The following TXNDC16 variants were observed in gnomAD, a reference collection of about 807,000 sequenced individuals.
The protein encoded by TXNDC16 is thioredoxin domain containing 16.
Under a neutral mutation model 85.6 loss-of-function variants are expected in TXNDC16, and 74 were observed. The observed-to-expected ratio is 0.86, with a 90% CI of 0.72 to 1.05. The LOEUF is 1.05. Ranked by LOEUF, TXNDC16 falls within the 50% of genes least tolerant of loss-of-function variation. The pLI, the probability that TXNDC16 is intolerant of heterozygous loss-of-function variation, is 0.00. For missense variants in TXNDC16, 959 were observed against 947.0 expected (o/e 1.01, Z -0.17); for synonymous variants, 335 against 326.5 (o/e 1.03, Z -0.28).
At chr14:52,442,710 G>A (rs547811365) in intron 18 of TXNDC16, among the ~76,000 whole-genome samples, 94 of 151,992 alleles carry the variant, frequency 6.2e-4, no homozygotes, top group Middle Eastern at 3.4e-3. Context: ...TAATCTTGTA[G>A]TTGAGTTAGA....
intron 5 of TXNDC16, 149 bp from the exon 6 acceptor site, chr14:52,536,942 G>T: frequency 1.6e-6 from 1 of 607,778 alleles, no homozygotes; most frequent in Non-Finnish European, 2.9e-6. Flanking sequence ...ACCTACCAGC[G>T]TCCTGGCACA....
intron 15 of TXNDC16, 30 bp downstream of exon 15, chr14:52,470,480 TCA>T: frequency 6.3e-7 from 1 of 1,592,510 alleles, no homozygotes; most frequent in Non-Finnish European, 8.5e-7. Flanking sequence ...ACCTAAACAT[TCA>T]GAGATCTTAT....
At chr14:52,455,946 T>C (rs1303675297) in intron 17 of TXNDC16, among the ~76,000 whole-genome samples, 1 of 152,160 alleles carries the variant, frequency 6.6e-6, no homozygotes, top group African/African-American at 2.4e-5. Context: ...GAGAGAGTGA[T>C]AAATGGCAGA....
chr14:52,539,287 T>C (rs1410641539), intron 4 of TXNDC16, among the ~76,000 whole-genome samples: 1 of 152,132 alleles, frequency 6.6e-6, no homozygotes, highest in African/African-American at 2.4e-5. Flanking sequence ...AGAAATGCAG[T>C]AATGCATAAA....
intron 6 of TXNDC16, among the ~76,000 whole-genome samples, chr14:52,531,941 T>C (rs767668971): frequency 2.0e-5 from 3 of 152,170 alleles, no homozygotes; most frequent in Non-Finnish European, 4.4e-5. Flanking sequence ...CAAATTTCTG[T>C]AAATTTTTCA....
chr14:52,469,066 G>T (rs1238743836), intron 16 of TXNDC16, among the ~76,000 whole-genome samples: 1 of 152,024 alleles, frequency 6.6e-6, no homozygotes. Flanking sequence ...GTTAAATAAG[G>T]CCAGGTGTGG....
chr14:52,503,179 A>G (rs934801210), intron 9 of TXNDC16, among the ~76,000 whole-genome samples: 2 of 152,198 alleles, frequency 1.3e-5, no homozygotes, highest in Non-Finnish European at 2.9e-5. Flanking sequence ...AAAGGCAGCA[A>G]AAACCTCTGC....
chr14:52,544,046 T>C (rs1193981780), intron 2 of TXNDC16, among the ~76,000 whole-genome samples: 1 of 152,102 alleles, frequency 6.6e-6, no homozygotes, highest in African/African-American at 2.4e-5. Flanking sequence ...GCCTAATATG[T>C]TTACTTTTAC....
chr14:52,492,739 T>C (rs890446088), intron 9 of TXNDC16, among the ~76,000 whole-genome samples: 1 of 152,122 alleles, frequency 6.6e-6, no homozygotes, highest in Non-Finnish European at 1.5e-5. Context: ...GATCAGACAC[T>C]TACCAGTCAG....
chr14:52,504,261 A>C (rs1412598058), intron 9 of TXNDC16, among the ~76,000 whole-genome samples: 1 of 152,304 alleles, frequency 6.6e-6, no homozygotes, highest in South Asian at 2.1e-4. Context: ...TCCAAGACAC[A>C]TAATTGTCAG....
intron 14 of TXNDC16, 49 bp downstream of exon 14, chr14:52,482,181 G>T: frequency 6.8e-7 from 1 of 1,479,010 alleles, no homozygotes; most frequent in Non-Finnish European, 9.2e-7. Flanking sequence ...TTTACAAATA[G>T]CTACAGCTTA....
chr14:52,545,646 G>A (rs562300739), intron 1 of TXNDC16, among the ~76,000 whole-genome samples: 7 of 152,128 alleles, frequency 4.6e-5, no homozygotes, highest in South Asian at 4.1e-4. Flanking sequence ...TTCAACTTTC[G>A]CAAAACCAAA....
chr14:52,550,432 T>A (rs896091499), intron 1 of TXNDC16, among the ~76,000 whole-genome samples: 15 of 152,140 alleles, frequency 9.9e-5, no homozygotes, highest in African/African-American at 3.6e-4. Flanking sequence ...GGAGTCAACA[T>A]CTCTCCCCTT....
At chr14:52,456,053 T>G (rs74368506) in intron 17 of TXNDC16, among the ~76,000 whole-genome samples, 13,028 of 152,112 alleles carry the variant, frequency 0.086, 616 homozygotes, top group East Asian at 0.14. Flanking sequence ...CCTCCCACAA[T>G]CCCTTTCGCT....
chr14:52,502,433 C>G (rs998438290), intron 9 of TXNDC16, among the ~76,000 whole-genome samples: 18 of 152,200 alleles, frequency 1.2e-4, no homozygotes, highest in African/African-American at 3.9e-4. Flanking sequence ...TTTTATAAAA[C>G]GTGTATTTCA....
intron 20 of TXNDC16, among the ~76,000 whole-genome samples, chr14:52,434,280 C>A (rs1257099994): frequency 1.3e-5 from 2 of 152,154 alleles, no homozygotes; most frequent in Admixed American, 1.3e-4. Flanking sequence ...TGCGGCCTAG[C>A]GGTCTGAGAC....
intron 20 of TXNDC16, among the ~76,000 whole-genome samples, chr14:52,433,898 G>A (rs957643476): frequency 2.0e-5 from 3 of 152,154 alleles, no homozygotes; most frequent in Non-Finnish European, 4.4e-5. Context: ...TCCAGTTTAG[G>A]CTGGGCATGG....
chr14:52,550,777 C>G (rs142842267), intron 1 of TXNDC16, among the ~76,000 whole-genome samples: 1 of 152,330 alleles, frequency 6.6e-6, no homozygotes, highest in East Asian at 1.9e-4. Context: ...TTGATTTTGA[C>G]AAGTGCCTAA....
intron 16 of TXNDC16, among the ~76,000 whole-genome samples, chr14:52,457,499 A>G (rs1439722242): frequency 6.6e-6 from 1 of 152,206 alleles, no homozygotes. Flanking sequence ...CCTATGGCAG[A>G]GTAAATGGAG....
Sources: gnomAD v4.1 joint callset for allele counts (sites outside exome capture counted in the v4.1 genomes callset) on GRCh38, gnomAD v4.1.1 for gene constraint, MANE v1.5 for transcripts, NCBI Gene and HGNC (gene_info 2026-07-23, HGNC 2026-07-21) for gene names.